Variants in GABRA2 observed in about 807,000 individuals in gnomAD.
GABRA2 encodes the protein gamma-aminobutyric acid receptor subunit alpha-2.
A neutral mutation model predicts 48.7 loss-of-function variants in GABRA2; 16 were observed. The observed-to-expected ratio is 0.33, with a 90% CI of 0.22 to 0.50. The LOEUF is 0.50. GABRA2 is among the 20% of genes least tolerant of loss of function. The probability of loss-of-function intolerance (pLI) is 0.98; values close to 1 mark genes in which losing one functional copy is unlikely to be tolerated. For missense variants in GABRA2, 275 were observed against 535.6 expected (o/e 0.51, Z 4.80); for synonymous variants, 185 against 184.5 (o/e 1.00, Z -0.02).
At chr4:46,355,786 A>G (rs1314529180) in intron 3 of GABRA2, among the ~76,000 whole-genome samples, 1 of 152,046 alleles carries the variant, frequency 6.6e-6, no homozygotes, top group Non-Finnish European at 1.5e-5. Context: ...TTTATTTATA[A>G]TTTTCTGTAT....
At chr4:46,378,875 G>C (rs1716362785) in intron 3 of GABRA2, among the ~76,000 whole-genome samples, 1 of 151,562 alleles carries the variant, frequency 6.6e-6, no homozygotes, top group South Asian at 2.1e-4. Context: ...GCACTTTACT[G>C]ACATCACCTT....
intron 3 of GABRA2, among the ~76,000 whole-genome samples, chr4:46,377,592 C>A (rs1355791322): frequency 6.6e-6 from 1 of 151,032 alleles, no homozygotes; most frequent in Non-Finnish European, 1.5e-5. Flanking sequence ...CCACCTCGTC[C>A]GGCAGGGAGG....
intron 3 of GABRA2, among the ~76,000 whole-genome samples, chr4:46,356,560 G>A (rs1347326573): frequency 5.9e-5 from 9 of 152,024 alleles, no homozygotes; most frequent in Non-Finnish European, 4.4e-5. Flanking sequence ...GTATGCCTTT[G>A]AGAAACCTAG....
In GABRA2 at chr4:46,247,259, T is replaced by C. The variant is rs1018315906; in HGVS notation, c.*3049A>G. Among the ~76,000 whole-genome samples the C allele has an allele frequency of 2.0e-5, 3 of 150,962 alleles. No individual in the cohort carries two copies. The highest frequency in any genetic ancestry group is 4.2e-4 in the South Asian group (2 of 4,816). ...TTCTTCCATTTTATAATCAAACACA[T>C]GGGAACATGAACAGGAGAAAAGAGA... On this transcript the variant is annotated 3_prime_UTR_variant, in exon 10 of 10. Coordinates refer to ENST00000381620, the MANE Select transcript of GABRA2 (RefSeq NM_000807.4).
In GABRA2 at chr4:46,246,891, G is replaced by A. The variant is rs1387444424; in HGVS notation, c.*3417C>T. On this transcript the variant is annotated 3_prime_UTR_variant, in exon 10 of 10. Coordinates refer to ENST00000381620, the MANE Select transcript of GABRA2 (RefSeq NM_000807.4). ...ACTTCCTTTCTTCTTTCATTGGAATGATGACCGGCCATGCCAAAGAAAAGT... is the reference window on the plus strand; with the variant it reads ...ACTTCCTTTCTTCTTTCATTGGAATAATGACCGGCCATGCCAAAGAAAAGT... Among the ~76,000 whole-genome samples the A allele has an allele frequency of 6.6e-6, 1 of 151,120 alleles. No individual in the cohort carries two copies. The highest frequency in any genetic ancestry group is 1.5e-5 in the Non-Finnish European group (1 of 67,396).
chr4:46,351,295 C>A (rs1735088147), intron 3 of GABRA2, among the ~76,000 whole-genome samples: 1 of 151,838 alleles, frequency 6.6e-6, no homozygotes, highest in South Asian at 2.1e-4. Context: ...CAAAGAAATT[C>A]ACTAGACGGG....
At chr4:46,276,485 T>G (rs1184721120) in intron 8 of GABRA2, among the ~76,000 whole-genome samples, 1 of 151,760 alleles carries the variant, frequency 6.6e-6, no homozygotes, top group Non-Finnish European at 1.5e-5. Context: ...AGATAACAGT[T>G]AACTAGGAGA....
intron 8 of GABRA2, among the ~76,000 whole-genome samples, chr4:46,268,621 C>T (rs6825785): frequency 0.087 from 13,139 of 151,848 alleles, 1,882 homozygotes; most frequent in African/African-American, 0.3. Flanking sequence ...TTATGGAAAA[C>T]AGTATGGGAG....
chr4:46,350,680 A>G (rs1402266775), intron 3 of GABRA2, among the ~76,000 whole-genome samples: 1 of 151,912 alleles, frequency 6.6e-6, no homozygotes, highest in East Asian at 1.9e-4. Context: ...GAAATGGATA[A>G]ATGAATGTTC....
chr4:46,373,631 A>C (rs1163123346), intron 3 of GABRA2, among the ~76,000 whole-genome samples: 1 of 152,148 alleles, frequency 6.6e-6, no homozygotes, highest in East Asian at 1.9e-4. Context: ...AAAACTACTC[A>C]AAATGATAAA....
intron 3 of GABRA2, among the ~76,000 whole-genome samples, chr4:46,370,814 A>G (rs573149177): frequency 3.3e-5 from 5 of 152,120 alleles, no homozygotes; most frequent in Non-Finnish European, 7.4e-5. Context: ...TACTCTGTCT[A>G]TTTCTCTACA....
intron 8 of GABRA2, among the ~76,000 whole-genome samples, chr4:46,289,531 C>A (rs986461534): frequency 6.6e-6 from 1 of 152,094 alleles, no homozygotes; most frequent in African/African-American, 2.4e-5. Context: ...AGGAACAACA[C>A]ACACTGGGGC....
At chr4:46,349,883 T>C (rs1734827044) in intron 3 of GABRA2, among the ~76,000 whole-genome samples, 1 of 151,928 alleles carries the variant, frequency 6.6e-6, no homozygotes, top group African/African-American at 2.4e-5. Flanking sequence ...TTGGAAAATA[T>C]TATGATTACT....
chr4:46,335,023 A>T (rs981032800), intron 3 of GABRA2, among the ~76,000 whole-genome samples: 2 of 152,162 alleles, frequency 1.3e-5, no homozygotes, highest in African/African-American at 4.8e-5. Flanking sequence ...GGGCTAATGA[A>T]ATATTTTAGT....
At chr4:46,304,071 A>T (rs568672158) in intron 7 of GABRA2, among the ~76,000 whole-genome samples, 1 of 152,146 alleles carries the variant, frequency 6.6e-6, no homozygotes, top group Admixed American at 6.5e-5. Context: ...CAAATTAGAG[A>T]TGTTCAATTT....
In GABRA2 at chr4:46,248,247, G is replaced by A. The variant is rs2109364543; in HGVS notation, c.*2061C>T. 6.6e-6 allele frequency among the ~76,000 whole-genome samples: 1 copy of A among 151,410 alleles called. No homozygotes were observed. Among genetic ancestry groups the A allele is most frequent in the South Asian group, 2.1e-4 (1 of 4,820 alleles). ...TATCTAATAATGCATACCATATAGA[G>A]CAATTTCATTGCTTGCCTTCTGGCA... On this transcript the variant is annotated 3_prime_UTR_variant, in exon 10 of 10. Coordinates refer to ENST00000381620, the MANE Select transcript of GABRA2 (RefSeq NM_000807.4).
chr4:46,255,860 C>T (rs1715703010), intron 9 of GABRA2, among the ~76,000 whole-genome samples: 3 of 151,530 alleles, frequency 2.0e-5, no homozygotes. Flanking sequence ...AGCTGATGTT[C>T]TAGCTAACAT....
At chr4:46,328,538 C>T (rs1330099244) in intron 4 of GABRA2, among the ~76,000 whole-genome samples, 1 of 151,922 alleles carries the variant, frequency 6.6e-6, no homozygotes, top group Non-Finnish European at 1.5e-5. Context: ...TAACAAATTG[C>T]TTCTGTAAGG....
chr4:46,374,546 T>C (rs764594374), intron 3 of GABRA2, among the ~76,000 whole-genome samples: 3 of 152,144 alleles, frequency 2.0e-5, no homozygotes, highest in African/African-American at 4.8e-5. Context: ...CCTGGAGATA[T>C]AACTCTACTC....
Sources: gnomAD v4.1 joint callset for allele counts (sites outside exome capture counted in the v4.1 genomes callset) on GRCh38, gnomAD v4.1.1 for gene constraint, MANE v1.5 for transcripts, NCBI Gene and HGNC (gene_info 2026-07-23, HGNC 2026-07-21) for gene names.